The following RYR2 variants were observed in gnomAD, a reference collection of about 807,000 sequenced individuals.
RYR2 encodes the protein ryanodine receptor 2.
A neutral mutation model predicts 601.1 loss-of-function variants in RYR2; 227 were observed. That is an observed-to-expected ratio of 0.38 (90% CI 0.34 to 0.42). The LOEUF (loss-of-function observed/expected upper bound fraction) is 0.42. RYR2 is among the 10% of genes least tolerant of loss of function. The pLI, the probability that RYR2 is intolerant of heterozygous loss-of-function variation, is 1.00. For missense variants in RYR2, 4,646 were observed against 6,156.5 expected (o/e 0.75, Z 8.21); for synonymous variants, 2,223 against 2,175.1 (o/e 1.02, Z -0.61).
chr1:237,544,252 G>C (rs768676334), intron 25 of RYR2, among the ~76,000 whole-genome samples: 126 of 152,036 alleles, frequency 8.3e-4, no homozygotes, highest in African/African-American at 2.6e-3. Flanking sequence ...GATGATTGAT[G>C]GCACAGAGAA....
intron 12 of RYR2, among the ~76,000 whole-genome samples, chr1:237,433,078 C>T (rs1706993978): frequency 6.6e-6 from 1 of 151,478 alleles, no homozygotes; most frequent in African/African-American, 2.4e-5. Flanking sequence ...GTGTGTGATT[C>T]TTGTGTAATA....
chr1:237,696,423 TCTTA>T (rs1280938492), intron 63 of RYR2, among the ~76,000 whole-genome samples: 2 of 152,144 alleles, frequency 1.3e-5, no homozygotes, highest in Admixed American at 6.5e-5. Flanking sequence ...CCTTTTTTCT[TCTTA>T]CTTATATTCA....
chr1:237,066,940 G>A (rs1305515162), intron 1 of RYR2, among the ~76,000 whole-genome samples: 1 of 152,090 alleles, frequency 6.6e-6, no homozygotes, highest in Non-Finnish European at 1.5e-5. Flanking sequence ...CCCGGCATCT[G>A]TGTCTTTTAA....
At chr1:237,257,020 C>T (rs1228942306) in intron 1 of RYR2, among the ~76,000 whole-genome samples, 1 of 152,148 alleles carries the variant, frequency 6.6e-6, no homozygotes, top group East Asian at 1.9e-4. Flanking sequence ...GTTTTGTTGT[C>T]ATTGACACTA....
chr1:237,696,296 G>A (rs1687425764), intron 63 of RYR2, among the ~76,000 whole-genome samples: 2 of 152,216 alleles, frequency 1.3e-5, no homozygotes, highest in South Asian at 4.1e-4. Context: ...GATTAATAGT[G>A]GCATAGGACT....
At chr1:237,580,845 C>T (rs1278355413) in intron 29 of RYR2, among the ~76,000 whole-genome samples, 4 of 151,838 alleles carry the variant, frequency 2.6e-5, no homozygotes, top group Non-Finnish European at 5.9e-5. Context: ...TGTGAGGATA[C>T]AGCCAGAAGG....
At chr1:237,388,915 C>A (rs1702154260) in intron 10 of RYR2, among the ~76,000 whole-genome samples, 1 of 152,122 alleles carries the variant, frequency 6.6e-6, no homozygotes, top group Non-Finnish European at 1.5e-5. Flanking sequence ...AACATGGACA[C>A]TTAGGTAACT....
rs1351039185 is a variant in RYR2, at chr1:237,631,469, C to T, written c.6483C>T (p.Leu2161=). ...NNKVFYQHPN[L]MRALGMHETV... is the part of the protein sequence containing the mutation. ...AAGTGTTTTACCAGCACCCTAATCT[C>T]ATGAGGGCACTGGGGATGCACGAGA... The change falls in exon 42 of 105, where the codon CTC becomes CTT. Residue 2161 remains leucine (L), a synonymous_variant. Transcript: ENST00000366574. The T allele has an allele frequency of 1.2e-6, 2 of 1,613,584 alleles. No homozygotes were observed. The highest frequency in any genetic ancestry group is 1.7e-6 in the Non-Finnish European group (2 of 1,179,832).
chr1:237,548,629 G>A, intron 26 of RYR2, 39 bp downstream of exon 26: 1 of 1,601,134 alleles, frequency 6.2e-7, no homozygotes, highest in African/African-American at 1.3e-5. Flanking sequence ...ACTTACTTAA[G>A]TGGGAATTAG....
chr1:237,598,923 A>G (rs1229082849), intron 34 of RYR2, among the ~76,000 whole-genome samples: 1 of 152,180 alleles, frequency 6.6e-6, no homozygotes, highest in African/African-American at 2.4e-5. Context: ...TGACTCAAAT[A>G]AATAAAATCC....
intron 25 of RYR2, among the ~76,000 whole-genome samples, chr1:237,536,754 C>G (rs2805448): frequency 7.5e-6 from 1 of 133,594 alleles, no homozygotes; most frequent in Non-Finnish European, 1.6e-5. Context: ...GGCATGGTGG[C>G]AGGCGCCTGT....
intron 10 of RYR2, among the ~76,000 whole-genome samples, chr1:237,406,307 G>A (rs956263986): frequency 2.5e-4 from 37 of 147,918 alleles, no homozygotes; most frequent in Admixed American, 1.4e-4. Flanking sequence ...TTCTTACCAT[G>A]TCAAACTGTA....
rs12074196 is a variant in RYR2 at position 237,313,229 on chromosome 1, A to G, written c.169-17649A>G. On this transcript the variant is annotated intron_variant, in intron 2 of 104. Coordinates refer to ENST00000366574, the MANE Select transcript of RYR2 (RefSeq NM_001035.3). ...GTGTTCAAATATTTGCTTATGGAGT[A>G]TGTCGTAGGCTGAATTATCCTCAAA... is the stretch of plus-strand genomic sequence containing the variant. Among the ~76,000 whole-genome samples, 113 of 152,318 alleles carry G rather than the reference A, an allele frequency of 7.4e-4. 1 individual carries two copies. The highest frequency in any genetic ancestry group is 2.5e-3 in the African/African-American group (102 of 41,576).
chr1:237,452,235 GTATAT>G (rs1027767377), intron 14 of RYR2, among the ~76,000 whole-genome samples: 14 of 145,220 alleles, frequency 9.6e-5, no homozygotes, highest in African/African-American at 3.5e-4. Context: ...ATATTATGTA[GTATAT>G]TATAATGTAT....
chr1:237,232,781 C>T (rs1461795807), intron 1 of RYR2, among the ~76,000 whole-genome samples: 2 of 152,118 alleles, frequency 1.3e-5, no homozygotes, highest in African/African-American at 4.8e-5. Flanking sequence ...GGAGGACAAC[C>T]AGCTGGTGTC....
At chr1:237,215,595 T>C (rs1359530117) in intron 1 of RYR2, among the ~76,000 whole-genome samples, 1 of 152,194 alleles carries the variant, frequency 6.6e-6, no homozygotes, top group Non-Finnish European at 1.5e-5. Flanking sequence ...TGTTTTCATA[T>C]ACAAATAAAG....
At chr1:237,690,851 G>A (rs565140413) in intron 63 of RYR2, among the ~76,000 whole-genome samples, 1 of 152,130 alleles carries the variant, frequency 6.6e-6, no homozygotes, top group Non-Finnish European at 1.5e-5. Flanking sequence ...ACACAGTAAA[G>A]CCTTTATAAT....
chr1:237,602,191 G>A (rs1676577869), intron 35 of RYR2, 80 bp downstream of exon 35: 3 of 1,043,314 alleles, frequency 2.9e-6, no homozygotes, highest in African/African-American at 1.6e-5. Flanking sequence ...AATGAATTCA[G>A]TATATTAGTA....
At chr1:237,093,811 T>C (rs1191325958) in intron 1 of RYR2, among the ~76,000 whole-genome samples, 2 of 152,212 alleles carry the variant, frequency 1.3e-5, no homozygotes, top group East Asian at 3.9e-4. Flanking sequence ...GTAATTGAGA[T>C]AATCTGTGTG....
Sources: gnomAD v4.1 joint callset for allele counts (sites outside exome capture counted in the v4.1 genomes callset) on GRCh38, gnomAD v4.1.1 for gene constraint, MANE v1.5 for transcripts, NCBI Gene and HGNC (gene_info 2026-07-23, HGNC 2026-07-21) for gene names.